Variants in ETNK1 observed in about 807,000 individuals in gnomAD.
ETNK1 encodes ethanolamine kinase 1.
Under a neutral mutation model 45.1 loss-of-function variants are expected in ETNK1, and 8 were observed. That is an observed-to-expected ratio of 0.18 (90% CI 0.10 to 0.32). ETNK1 has a LOEUF of 0.32. Among genes scored for constraint, ETNK1 ranks in the 10% least tolerant of loss-of-function variants. ETNK1 has a pLI of 1.00. For missense variants in ETNK1, 302 were observed against 430.6 expected (o/e 0.70, Z 2.64); for synonymous variants, 152 against 151.9 (o/e 1.00, Z -0.01).
Position 22,686,966 on chromosome 12 carries a change from T to G in ETNK1, c.*2012T>G, listed in dbSNP as rs2137582648. The G allele has an allele frequency of 6.6e-6, 1 of 150,426 alleles. No individual in the cohort carries two copies. The highest frequency in any genetic ancestry group is 6.6e-5 in the Admixed American group (1 of 15,082). The allele number at this position is 150,426 out of a possible 1,614,324, so 9.3% of individuals were successfully genotyped here. Reference sequence around the variant, plus strand: ...AATTTTTCTACCTTACTCCATATTCTTACTTCAAACTATTTTGAATAGAGG... The same window carrying G: ...AATTTTTCTACCTTACTCCATATTCGTACTTCAAACTATTTTGAATAGAGG... On this transcript the variant is annotated 3_prime_UTR_variant, in exon 8 of 8. Coordinates refer to ENST00000266517, the MANE Select transcript of ETNK1 (RefSeq NM_018638.5).
chr12:22,681,772 T>C (rs1954217904), intron 6 of ETNK1, among the ~76,000 whole-genome samples: 1 of 152,150 alleles, frequency 6.6e-6, no homozygotes, highest in Admixed American at 6.5e-5. Flanking sequence ...TCTGGTTTAA[T>C]GGAATACAGC....
At chr12:22,666,682 C>A (rs980860720) in intron 4 of ETNK1, among the ~76,000 whole-genome samples, 32 of 152,152 alleles carry the variant, frequency 2.1e-4, no homozygotes, top group African/African-American at 7.7e-4. Flanking sequence ...TCTCTGTCAG[C>A]ACAATACAAG....
intron 2 of ETNK1, among the ~76,000 whole-genome samples, chr12:22,658,138 G>T (rs1234957035): frequency 2.0e-5 from 3 of 152,072 alleles, no homozygotes; most frequent in Admixed American, 2.0e-4. Flanking sequence ...CAAGAACTAG[G>T]TAGACAGATC....
intron 2 of ETNK1, among the ~76,000 whole-genome samples, chr12:22,649,324 T>A (rs899197948): frequency 1.3e-5 from 2 of 152,104 alleles, no homozygotes; most frequent in Admixed American, 6.6e-5. Flanking sequence ...TCCTATGTTA[T>A]CTTCTCATGG....
chr12:22,652,015 C>T (rs965074250), intron 2 of ETNK1, among the ~76,000 whole-genome samples: 1 of 152,048 alleles, frequency 6.6e-6, no homozygotes, highest in Non-Finnish European at 1.5e-5. Context: ...AACAAATCTT[C>T]TTTCCTTCCT....
At chr12:22,642,394 C>G (rs1399774155) in intron 1 of ETNK1, among the ~76,000 whole-genome samples, 1 of 151,934 alleles carries the variant, frequency 6.6e-6, no homozygotes, top group African/African-American at 2.4e-5. Context: ...CAGTGTCTTT[C>G]ATACAGTCTT....
chr12:22,666,791 CTTTGT>C (rs903906481), intron 4 of ETNK1, among the ~76,000 whole-genome samples: 36 of 152,096 alleles, frequency 2.4e-4, no homozygotes, highest in African/African-American at 8.0e-4. Context: ...TTTTATTTTG[CTTTGT>C]TTTAAGAGTT....
At chr12:22,678,859 T>C (rs1954186806) in intron 6 of ETNK1, among the ~76,000 whole-genome samples, 1 of 152,174 alleles carries the variant, frequency 6.6e-6, no homozygotes, top group Non-Finnish European at 1.5e-5. Context: ...ACTGACAGAG[T>C]GTAGCCTGTC....
chr12:22,627,819 A>T (rs1953524326), intron 1 of ETNK1, among the ~76,000 whole-genome samples: 1 of 152,088 alleles, frequency 6.6e-6, no homozygotes, highest in African/African-American at 2.4e-5. Context: ...TTAGAAACTT[A>T]CTGTAGTAAT....
At chr12:22,650,862 A>C (rs1953865937) in intron 2 of ETNK1, among the ~76,000 whole-genome samples, 1 of 152,186 alleles carries the variant, frequency 6.6e-6, no homozygotes, top group Non-Finnish European at 1.5e-5. Flanking sequence ...CATTTTATTT[A>C]GTTAATAAAA....
chr12:22,664,398 CTT>C (rs760633226), intron 4 of ETNK1, among the ~76,000 whole-genome samples: 24 of 151,824 alleles, frequency 1.6e-4, no homozygotes, highest in Non-Finnish European at 1.2e-4. Context: ...TTAACTATAA[CTT>C]GAGAGATTAA....
At chr12:22,668,373 G>A (rs1042140098) in intron 4 of ETNK1, among the ~76,000 whole-genome samples, 1 of 152,176 alleles carries the variant, frequency 6.6e-6, no homozygotes, top group African/African-American at 2.4e-5. Flanking sequence ...CTGTTGTTAG[G>A]AAAGCATTTT....
chr12:22,651,152 A>G (rs1470183299), intron 2 of ETNK1, among the ~76,000 whole-genome samples: 2 of 152,198 alleles, frequency 1.3e-5, no homozygotes, highest in African/African-American at 2.4e-5. Context: ...TTGAGGAGGC[A>G]GTGTTTGATT....
chr12:22,687,713 C>T lies in ETNK1; in HGVS notation c.*2759C>T, dbSNP rs567403332. The T allele has an allele frequency of 9.8e-5, 15 of 152,294 alleles. No homozygotes were observed. The East Asian group carries it at 2.9e-3, about 29-fold the overall frequency. The allele number at this position is 152,294 out of a possible 1,614,324, so 9.4% of individuals were successfully genotyped here. On this transcript the variant is annotated 3_prime_UTR_variant, in exon 8 of 8. Coordinates refer to ENST00000266517, the MANE Select transcript of ETNK1 (RefSeq NM_018638.5). ...CACAAAACTCATCAAGTAGGTCTGC[C>T]TGGAATGTATATAAAAAATGTAAAT...
intron 4 of ETNK1, among the ~76,000 whole-genome samples, chr12:22,662,099 C>T (rs577824942): frequency 7.4e-6 from 1 of 135,118 alleles, no homozygotes; most frequent in South Asian, 2.7e-4. Flanking sequence ...TGGAGTTTCA[C>T]TCTTGTCACC....
intron 2 of ETNK1, among the ~76,000 whole-genome samples, chr12:22,648,518 G>A (rs1439096261): frequency 6.6e-6 from 1 of 151,800 alleles, no homozygotes; most frequent in African/African-American, 2.4e-5. Flanking sequence ...ATATGCATTT[G>A]TTTCTTCCAT....
At chr12:22,647,140 G>A (rs1476483009) in intron 2 of ETNK1, among the ~76,000 whole-genome samples, 2 of 151,602 alleles carry the variant, frequency 1.3e-5, no homozygotes, top group South Asian at 2.1e-4. Flanking sequence ...CAGTTATTAC[G>A]GACACCTTCA....
chr12:22,635,732 T>C (rs997924394), intron 1 of ETNK1, among the ~76,000 whole-genome samples: 7 of 152,214 alleles, frequency 4.6e-5, no homozygotes, highest in African/African-American at 1.2e-4. Flanking sequence ...TAAAAATTTA[T>C]TATCTTAACC....
At position 22,687,167 on chromosome 12, in the gene ETNK1, A is replaced by C. The variant is rs572411559; in HGVS notation, c.*2213A>C. ...ATAAGATATCTAATCTATTTTCCCC[A>C]TTCTGGCTAGATTTTGGTTGTTGTG... is the stretch of plus-strand genomic sequence containing the variant. On this transcript the variant is annotated 3_prime_UTR_variant, in exon 8 of 8. Transcript: ENST00000266517. 6.6e-6 allele frequency: 1 copy of C among 152,022 alleles called. No homozygotes were observed. The highest frequency in any genetic ancestry group is 2.1e-4 in the South Asian group (1 of 4,822). The allele number at this position is 152,022 out of a possible 1,614,324, so 9.4% of individuals were successfully genotyped here. A position where few individuals can be genotyped will look rare whatever the true frequency, so the allele number is the denominator to read the frequency against.
Sources: allele counts gnomAD v4.1 joint callset (sites outside exome capture counted in the v4.1 genomes callset), GRCh38; gene constraint gnomAD v4.1.1; transcripts MANE v1.5; gene names NCBI Gene and HGNC (gene_info 2026-07-23, HGNC 2026-07-21).